The following KDM5A variants were observed in gnomAD, a reference collection of about 807,000 sequenced individuals.
KDM5A encodes lysine demethylase 5A.
A neutral mutation model predicts 193.5 loss-of-function variants in KDM5A; 42 were observed. The ratio of observed to expected loss-of-function variants is 0.22; its 90% confidence interval spans 0.17 to 0.28. KDM5A has a LOEUF of 0.28. KDM5A is among the 10% of genes least tolerant of loss of function. The probability of loss-of-function intolerance (pLI) is 1.00; values close to 1 mark genes in which losing one functional copy is unlikely to be tolerated. For synonymous variants in KDM5A, 796 were observed against 718.1 expected (o/e 1.11, Z -1.73); for missense variants, 1,692 against 2,055.1 (o/e 0.82, Z 3.42).
At chr12:376,444 G>A (rs1944505355) in intron 3 of KDM5A, among the ~76,000 whole-genome samples, 1 of 152,254 alleles carries the variant, frequency 6.6e-6, no homozygotes, top group Admixed American at 6.5e-5. Flanking sequence ...CAGTGTTACG[G>A]TGGGAGTGAC....
At chr12:323,401 C>T (rs1943745494) in intron 15 of KDM5A, among the ~76,000 whole-genome samples, 195 bp from the exon 16 acceptor site, 1 of 152,054 alleles carries the variant, frequency 6.6e-6, no homozygotes, top group South Asian at 2.1e-4. Context: ...AGACAAGGAA[C>T]ATGTGAAATC....
intron 26 of KDM5A, among the ~76,000 whole-genome samples, chr12:294,329 A>T (rs1401161727): frequency 6.6e-6 from 1 of 152,230 alleles, no homozygotes; most frequent in Non-Finnish European, 1.5e-5. Context: ...ATACTGAAGA[A>T]ACATAACATA....
Position 283,145 on chromosome 12 carries a change from T to A in KDM5A, c.*2311A>T. The stretch of plus-strand genomic sequence containing the variant: ...TTAATGGATGATTAGGAAGGAAAAA[T>A]AAAAATTTTAAATGTATTCCAGGCA... On this transcript the variant is annotated 3_prime_UTR_variant, in exon 28 of 28. Transcript: ENST00000399788. The A allele has an allele frequency of 4.3e-6, 1 of 231,138 alleles. No individual in the cohort carries two copies. Among genetic ancestry groups the A allele is most frequent in the Non-Finnish European group, 8.6e-6 (1 of 116,730 alleles). The allele number at this position is 231,138 out of a possible 1,614,324, so 14.3% of individuals were successfully genotyped here.
intron 10 of KDM5A, among the ~76,000 whole-genome samples, chr12:348,892 G>C (rs1178924072): frequency 2.7e-5 from 4 of 146,096 alleles, no homozygotes; most frequent in Non-Finnish European, 4.5e-5. Flanking sequence ...ATGTACCCTA[G>C]AACTTAAAGT....
chr12:306,988 G>A lies in KDM5A; in HGVS notation c.4032C>T (p.Asp1344=). The change falls in exon 24 of 28, where the codon GAC becomes GAT. Residue 1344 remains aspartate, a synonymous_variant. Coordinates refer to ENST00000399788, the MANE Select transcript of KDM5A (RefSeq NM_001042603.3). ...ATGTCTCTCGAATGTCTTCATCAGA[G>A]TCTGTTTCTTCATCATCATAGTCCA... ...QTMDYDDEET[D]SDEDIRETYG... The A allele has an allele frequency of 6.2e-7, 1 of 1,613,666 alleles. No individual in the cohort carries two copies. Among genetic ancestry groups the A allele is most frequent in the Non-Finnish European group, 8.5e-7 (1 of 1,179,944 alleles).
chr12:318,577 C>G (rs1943678895), intron 18 of KDM5A, 116 bp from the exon 19 acceptor site: 3 of 717,536 alleles, frequency 4.2e-6, no homozygotes, highest in Non-Finnish European at 2.4e-6. Flanking sequence ...ATCTCACCAT[C>G]ATAACACCAA....
rs61577928 is a variant in KDM5A, at chr12:357,827, C to CAAAAAAAAAAAAA, written c.673-1303_673-1291dup. 3.8e-3 allele frequency among the ~76,000 whole-genome samples: 113 copies of CAAAAAAAAAAAAA among 29,860 alleles called. 23 individuals carry two copies. Among genetic ancestry groups the CAAAAAAAAAAAAA allele is most frequent in the African/African-American group, 0.016 (81 of 4,980 alleles). The allele number at this position is 29,860 out of a possible 152,430, so 19.6% of individuals were successfully genotyped here. ...TGGGCGACAGAGCAAGACTCAGTCT[C>CAAAAAAAAAAAAA]AAAAAAAAAAAAAAAAAAAAAAAAA... On this transcript the variant is annotated intron_variant, in intron 5 of 27. Coordinates refer to ENST00000399788, the MANE Select transcript of KDM5A (RefSeq NM_001042603.3).
At chr12:295,150 G>A (rs1357053889) in intron 26 of KDM5A, among the ~76,000 whole-genome samples, 1 of 151,242 alleles carries the variant, frequency 6.6e-6, no homozygotes, top group Non-Finnish European at 1.5e-5. Context: ...CTTTTTAGCA[G>A]AAATGGCCTT....
intron 8 of KDM5A, 43 bp downstream of exon 8, chr12:354,033 T>A (rs1185626055): frequency 4.0e-6 from 6 of 1,487,842 alleles, no homozygotes; most frequent in Non-Finnish European, 5.6e-6. Flanking sequence ...GCATGTATTA[T>A]TATTTTTAGT....
intron 10 of KDM5A, among the ~76,000 whole-genome samples, chr12:344,460 A>G (rs1462233241): frequency 6.6e-6 from 1 of 152,142 alleles, no homozygotes; most frequent in Non-Finnish European, 1.5e-5. Flanking sequence ...AAGACACATA[A>G]TTGTCAGATT....
intron 3 of KDM5A, among the ~76,000 whole-genome samples, chr12:380,816 A>G (rs1437081672): frequency 6.6e-6 from 1 of 152,034 alleles, no homozygotes; most frequent in African/African-American, 2.4e-5. Context: ...TTTTTTTCAG[A>G]CACAGTTTCA....
At chr12:377,912 T>C (rs188056719) in intron 3 of KDM5A, among the ~76,000 whole-genome samples, 5 of 152,180 alleles carry the variant, frequency 3.3e-5, no homozygotes, top group Admixed American at 2.0e-4. Flanking sequence ...AGCTGATAGA[T>C]TATTTGATGG....
chr12:378,408 C>T (rs1944534722), intron 3 of KDM5A, among the ~76,000 whole-genome samples: 1 of 152,088 alleles, frequency 6.6e-6, no homozygotes, highest in Admixed American at 6.6e-5. Flanking sequence ...CAGGCGCATG[C>T]CACCACACCT....
chr12:350,588 TG>T (rs1383687278), intron 10 of KDM5A, 32 bp downstream of exon 10: 2 of 1,612,268 alleles, frequency 1.2e-6, no homozygotes, highest in Non-Finnish European at 1.7e-6. Flanking sequence ...TAAATCAGCT[TG>T]GGGGTAAGCA....
intron 24 of KDM5A, among the ~76,000 whole-genome samples, chr12:299,303 G>A (rs937855074): frequency 6.6e-6 from 1 of 152,210 alleles, no homozygotes; most frequent in African/African-American, 2.4e-5. Flanking sequence ...AGAGAGAAAG[G>A]TCAAGTTACC....
intron 14 of KDM5A, among the ~76,000 whole-genome samples, chr12:328,451 C>G (rs1040571932): frequency 6.6e-6 from 1 of 151,936 alleles, no homozygotes; most frequent in African/African-American, 2.4e-5. Context: ...CATCAAATTA[C>G]TTAAAGGGGA....
At chr12:365,816 T>C (rs997294469) in intron 4 of KDM5A, 118 bp downstream of exon 4, 60 of 818,840 alleles carry the variant, frequency 7.3e-5, no homozygotes, top group Non-Finnish European at 1.2e-4. Context: ...TACACTATGA[T>C]ATACACTTTG....
intron 10 of KDM5A, among the ~76,000 whole-genome samples, chr12:339,551 C>T (rs1943975454): frequency 6.6e-6 from 1 of 152,122 alleles, no homozygotes; most frequent in African/African-American, 2.4e-5. Flanking sequence ...TCTTTAATGC[C>T]TGGGAATCAA....
chr12:323,846 TTAC>T lies in KDM5A; in HGVS notation c.1969-68_1969-66del, dbSNP rs753978326. On this transcript the variant is annotated intron_variant, in intron 14 of 27. Coordinates refer to ENST00000399788, the MANE Select transcript of KDM5A (RefSeq NM_001042603.3). ...TCTTTAAAGCATCAAAAAACTTAAG[TTAC>T]TACATTTTTTTCTATAGACAAATCT... The T allele has an allele frequency of 3.2e-4, 417 of 1,319,702 alleles. 1 individual carries two copies. In the Middle Eastern group the frequency reaches 8.9e-3, roughly 28 times the overall value. The allele number at this position is 1,319,702 out of a possible 1,614,324, so 81.7% of individuals were successfully genotyped here. A position where few individuals can be genotyped will look rare whatever the true frequency, so the allele number is the denominator to read the frequency against.
Sources: allele counts gnomAD v4.1 joint callset (sites outside exome capture counted in the v4.1 genomes callset), GRCh38; gene constraint gnomAD v4.1.1; transcripts MANE v1.5; gene names NCBI Gene and HGNC (gene_info 2026-07-23, HGNC 2026-07-21).